The following PRELID2 variants were observed in gnomAD, a reference collection of about 807,000 sequenced individuals.
PRELID2 encodes PRELI domain containing 2.
Under a neutral mutation model 28.4 loss-of-function variants are expected in PRELID2, and 25 were observed. The observed-to-expected ratio is 0.88, with a 90% confidence interval of 0.64 to 1.23. The LOEUF is 1.23. Ranked by LOEUF, PRELID2 falls within the 50% of genes most tolerant of loss-of-function variation. PRELID2 has a pLI of 0.00. For missense variants in PRELID2, 201 were observed against 214.4 expected (o/e 0.94, Z 0.39); for synonymous variants, 76 against 71.6 (o/e 1.06, Z -0.31).
At chr5:145,450,448 T>C in the PRELID2 span, among the ~76,000 whole-genome samples, 1 of 152,224 alleles carries the variant, frequency 6.6e-6, no homozygotes. Flanking sequence ...AGCAACAATC[T>C]ACCTCCTGGG....
At chr5:145,590,360 T>C (rs1015061307) in intron 1 of PRELID2, among the ~76,000 whole-genome samples, 7 of 152,240 alleles carry the variant, frequency 4.6e-5, no homozygotes, top group African/African-American at 1.7e-4. Flanking sequence ...TTTTATTATC[T>C]TCATAGCATT....
the PRELID2 span, among the ~76,000 whole-genome samples, chr5:145,233,272 G>A: frequency 1.3e-4 from 19 of 151,968 alleles, no homozygotes; most frequent in Non-Finnish European, 2.4e-4. Context: ...ATCTGAACCA[G>A]GTTCTCTTTG....
chr5:145,351,874 C>A, the PRELID2 span, among the ~76,000 whole-genome samples: 3 of 152,110 alleles, frequency 2.0e-5, no homozygotes, highest in African/African-American at 4.8e-5. Flanking sequence ...GTCCAAAATC[C>A]ATTAGGGCAG....
At chr5:145,684,760 C>T (rs1411303870) in intron 1 of PRELID2, among the ~76,000 whole-genome samples, 1 of 152,134 alleles carries the variant, frequency 6.6e-6, no homozygotes, top group Non-Finnish European at 1.5e-5. Context: ...CATGGATGAA[C>T]CAATCCTGGG....
At chr5:145,763,773 C>CAA (rs1178673147) in intron 6 of PRELID2, among the ~76,000 whole-genome samples, 1 of 152,176 alleles carries the variant, frequency 6.6e-6, no homozygotes, top group African/African-American at 2.4e-5. Context: ...TTTCAACTCT[C>CAA]AGATGTTAAA....
intron 1 of PRELID2, among the ~76,000 whole-genome samples, chr5:145,558,621 C>T (rs1011171322): frequency 2.6e-5 from 4 of 152,178 alleles, no homozygotes; most frequent in Non-Finnish European, 5.9e-5. Context: ...CATTTTCAAG[C>T]CATGCCTTAG....
the PRELID2 span, among the ~76,000 whole-genome samples, chr5:145,289,142 T>C: frequency 7.7e-6 from 1 of 129,056 alleles, no homozygotes; most frequent in Non-Finnish European, 1.6e-5. Context: ...TCCTAAATGA[T>C]TTTTTTTAAT....
the PRELID2 span, among the ~76,000 whole-genome samples, chr5:145,404,445 A>C: frequency 6.6e-6 from 1 of 152,162 alleles, no homozygotes; most frequent in Non-Finnish European, 1.5e-5. Context: ...TTATGAATAT[A>C]TAGTGTGTGT....
intron 1 of PRELID2, among the ~76,000 whole-genome samples, chr5:145,727,633 C>T (rs1756210524): frequency 6.6e-6 from 1 of 152,166 alleles, no homozygotes; most frequent in Non-Finnish European, 1.5e-5. Flanking sequence ...CACAAGCACA[C>T]AACCACCAGA....
intron 1 of PRELID2, among the ~76,000 whole-genome samples, chr5:145,506,728 A>G (rs1266674241): frequency 6.6e-6 from 1 of 152,162 alleles, no homozygotes; most frequent in Non-Finnish European, 1.5e-5. Context: ...ATATAATCCT[A>G]TTAAGGACAA....
chr5:145,336,586 A>G, the PRELID2 span, among the ~76,000 whole-genome samples: 1 of 151,974 alleles, frequency 6.6e-6, no homozygotes, highest in Non-Finnish European at 1.5e-5. Context: ...ATAGTTGTAG[A>G]TATGTGGCGT....
chr5:145,520,637 G>C (rs919329419), intron 1 of PRELID2, among the ~76,000 whole-genome samples: 2 of 152,092 alleles, frequency 1.3e-5, no homozygotes, highest in Admixed American at 1.3e-4. Flanking sequence ...GATTCCCAAT[G>C]TTATACCCTC....
chr5:145,801,371 C>T (rs1441604399), intron 4 of PRELID2, among the ~76,000 whole-genome samples: 1 of 152,088 alleles, frequency 6.6e-6, no homozygotes, highest in African/African-American at 2.4e-5. Context: ...TTAAGACTTT[C>T]TCCCCACCCT....
At chr5:145,241,497 C>A in the PRELID2 span, among the ~76,000 whole-genome samples, 8 of 152,050 alleles carry the variant, frequency 5.3e-5, no homozygotes, top group Non-Finnish European at 1.0e-4. Context: ...AGCACTCAGC[C>A]TTTCTTGACT....
intron 1 of PRELID2, among the ~76,000 whole-genome samples, chr5:145,536,310 G>T (rs1752698089): frequency 6.6e-6 from 1 of 151,932 alleles, no homozygotes; most frequent in Non-Finnish European, 1.5e-5. Context: ...ATGCAGATAA[G>T]CCTTCTCCAT....
At position 145,835,215 on chromosome 5, in the gene PRELID2, A is replaced by T. The variant is rs931356824; in HGVS notation, c.37T>A (p.Tyr13Asn). ...VSVDVHQVYK[Y>N]PFEQVVASFL... ...CTGGCGACCACCTGCTCGAAGGGGT[A>T]CTTGTACACCTGGTGCACATCCACC... The change falls in exon 1 of 7, where the codon TAC (tyrosine) becomes AAC (asparagine). Residue 13 changes from tyrosine (Y) to asparagine (N), a missense_variant. Physicochemically the swap from Tyr to Asn is moderately radical, Grantham distance 143 (BLOSUM62 -2). Transcript: ENST00000683046. 9.0e-6 allele frequency: 14 copies of T among 1,549,960 alleles called. No individual in the cohort carries two copies. The highest frequency in any genetic ancestry group is 1.1e-5 in the Non-Finnish European group (13 of 1,146,322).
chr5:145,486,303 T>G (rs953967585), intron 1 of PRELID2, among the ~76,000 whole-genome samples: 3 of 152,222 alleles, frequency 2.0e-5, no homozygotes, highest in Non-Finnish European at 4.4e-5. Flanking sequence ...AATTTTCTCA[T>G]TAGAGTCAGT....
chr5:145,462,227 A>T, the PRELID2 span, among the ~76,000 whole-genome samples: 1 of 152,338 alleles, frequency 6.6e-6, no homozygotes, highest in South Asian at 2.1e-4. Context: ...GGAGACTGAA[A>T]CATAATCCAA....
At chr5:145,454,232 C>T in the PRELID2 span, among the ~76,000 whole-genome samples, 2 of 152,124 alleles carry the variant, frequency 1.3e-5, no homozygotes, top group South Asian at 2.1e-4. Flanking sequence ...TTCAACAGCC[C>T]TTCAAGCTAA....
Sources: allele counts gnomAD v4.1 joint callset (sites outside exome capture counted in the v4.1 genomes callset), GRCh38; gene constraint gnomAD v4.1.1; transcripts MANE v1.5; gene names NCBI Gene and HGNC (gene_info 2026-07-23, HGNC 2026-07-21).